Variants in ITGA9 observed in about 807,000 individuals in gnomAD.
ITGA9 encodes the protein integrin subunit alpha 9.
A neutral mutation model predicts 127.8 loss-of-function variants in ITGA9; 56 were observed. That is an observed-to-expected ratio of 0.44 (90% CI 0.35 to 0.55). ITGA9 has a LOEUF of 0.55. ITGA9 is among the 20% of genes least tolerant of loss of function. The pLI is 0.00. For missense variants in ITGA9, 1,196 were observed against 1,347.1 expected (o/e 0.89, Z 1.76); for synonymous variants, 508 against 514.5 (o/e 0.99, Z 0.17).
At chr3:37,557,086 A>G (rs559223021) in intron 15 of ITGA9, among the ~76,000 whole-genome samples, 79 of 152,296 alleles carry the variant, frequency 5.2e-4, no homozygotes, top group Admixed American at 3.6e-3. Context: ...GGACACAGCT[A>G]TGTCAGAAAT....
At chr3:37,599,952 G>A (rs1261834858) in intron 15 of ITGA9, among the ~76,000 whole-genome samples, 2 of 152,304 alleles carry the variant, frequency 1.3e-5, no homozygotes, top group East Asian at 3.9e-4. Flanking sequence ...GAACTCAGGA[G>A]TTGAGATTCG....
chr3:37,558,858 C>T (rs541186207), intron 15 of ITGA9, among the ~76,000 whole-genome samples: 34 of 152,326 alleles, frequency 2.2e-4, no homozygotes, highest in Admixed American at 1.9e-3. Flanking sequence ...GCTGACTTTC[C>T]ACCACCCTGA....
chr3:37,664,420 C>CTTTTTT (rs35312679), intron 17 of ITGA9, among the ~76,000 whole-genome samples: 1 of 114,904 alleles, frequency 8.7e-6, no homozygotes, highest in Non-Finnish European at 1.7e-5. Context: ...TCAGCACATT[C>CTTTTTT]TTTTTTTTTT....
chr3:37,607,086 G>C (rs529836135), intron 15 of ITGA9, among the ~76,000 whole-genome samples: 18 of 151,186 alleles, frequency 1.2e-4, no homozygotes, highest in Non-Finnish European at 2.7e-4. Context: ...GGTCTCAAGG[G>C]ATCCTCCTGC....
chr3:37,665,338 A>G (rs1700576242), intron 17 of ITGA9, among the ~76,000 whole-genome samples: 3 of 152,274 alleles, frequency 2.0e-5, no homozygotes, highest in Admixed American at 2.0e-4. Flanking sequence ...TCTCAATGGT[A>G]TATTCTTGAA....
At chr3:37,647,824 A>G (rs928254023) in intron 16 of ITGA9, among the ~76,000 whole-genome samples, 1 of 152,024 alleles carries the variant, frequency 6.6e-6, no homozygotes, top group African/African-American at 2.4e-5. Flanking sequence ...TAAAGGCTGA[A>G]TAATATTCCA....
At chr3:37,620,871 A>G (rs760341382) in intron 15 of ITGA9, among the ~76,000 whole-genome samples, 11 of 151,962 alleles carry the variant, frequency 7.2e-5, no homozygotes, top group Non-Finnish European at 1.0e-4. Context: ...TCTCTGCACC[A>G]CAGTTTTTTG....
intron 15 of ITGA9, among the ~76,000 whole-genome samples, chr3:37,613,284 G>A (rs528410072): frequency 9.8e-5 from 15 of 152,302 alleles, no homozygotes; most frequent in South Asian, 2.1e-4. Flanking sequence ...CCCTACAAAG[G>A]ACATGAAGTC....
chr3:37,506,034 G>A lies in ITGA9; in HGVS notation c.777G>A (p.Pro259=), dbSNP rs145062473. Residue 259 remains proline, a synonymous_variant, in exon 7 of 28, where the codon CCG becomes CCA. Coordinates refer to ENST00000264741, the MANE Select transcript of ITGA9 (RefSeq NM_002207.3). ...YAVTAGHFSH[P]STIDVVGGAP... ...TGACCGCTGGCCACTTCTCTCACCC[G>A]TCCACCATTGATGTGGTAGGAGGTG... 1.2e-4 allele frequency: 193 copies of A among 1,609,878 alleles called. No individual in the cohort carries two copies. Among genetic ancestry groups the A allele is most frequent in the Middle Eastern group, 6.6e-4 (4 of 6,060 alleles).
chr3:37,526,377 G>A (rs1350017591), intron 13 of ITGA9, among the ~76,000 whole-genome samples: 1 of 152,142 alleles, frequency 6.6e-6, no homozygotes, highest in Non-Finnish European at 1.5e-5. Context: ...TAACTCTTAA[G>A]CTATTTGCTT....
rs138166206 is a variant in ITGA9 at position 37,772,277 on chromosome 3, G to C, written c.2542-5115G>C. 2.3e-3 allele frequency among the ~76,000 whole-genome samples: 343 copies of C among 152,170 alleles called. 3 individuals carry two copies. The highest frequency in any genetic ancestry group is 7.7e-3 in the African/African-American group (321 of 41,524). ...AAAAAGCTTAGCCAGGCATGGTGGC[G>C]TGTGCCTGTAATTCCAGCTACTGGG... On this transcript the variant is annotated intron_variant, in intron 23 of 27. Transcript: ENST00000264741.
At position 37,750,536 on chromosome 3, in the gene ITGA9, T is replaced by C. The variant is rs550154251; in HGVS notation, c.2508T>C (p.Gly836=). 1 of 1,613,524 alleles carries C rather than the reference T, an allele frequency of 6.2e-7. No individual in the cohort carries two copies. The highest frequency in any genetic ancestry group is 8.5e-7 in the Non-Finnish European group (1 of 1,179,406). The change falls in exon 23 of 28, where the codon GGT becomes GGC. Residue 836 remains glycine (G), a synonymous_variant. Coordinates refer to ENST00000264741, the MANE Select transcript of ITGA9 (RefSeq NM_002207.3). ...CTTTCCCTAATCGACTCTCATCTGG[T>C]GGTGCAGAGATGTTTCATGTCCAGG... ...SISFPNRLSS[G]GAEMFHVQEM...
intron 15 of ITGA9, among the ~76,000 whole-genome samples, chr3:37,565,586 G>A (rs560405001): frequency 9.0e-4 from 137 of 152,306 alleles, no homozygotes; most frequent in Middle Eastern, 6.8e-3. Flanking sequence ...TTTCAGGTGC[G>A]GAAGATGAAA....
At chr3:37,472,269 C>T (rs1266817495) in intron 2 of ITGA9, among the ~76,000 whole-genome samples, 1 of 152,212 alleles carries the variant, frequency 6.6e-6, no homozygotes, top group Non-Finnish European at 1.5e-5. Flanking sequence ...TGAGATAATA[C>T]AGGTGAGTAC....
At chr3:37,782,509 T>C (rs778605090) in intron 25 of ITGA9, among the ~76,000 whole-genome samples, 4 of 152,188 alleles carry the variant, frequency 2.6e-5, no homozygotes, top group Admixed American at 6.5e-5. Context: ...CCTTCAAGGC[T>C]CATTCTCCAT....
chr3:37,494,482 T>C lies in ITGA9; in HGVS notation c.545-19T>C. On this transcript the variant is annotated intron_variant, in intron 4 of 27. Coordinates refer to ENST00000264741, the MANE Select transcript of ITGA9 (RefSeq NM_002207.3). ...CTGACATGGCTGTGGTTTGCTTCTC[T>C]CTCCTTCCTTCCCCCTAGAGTATAA... 1 of 1,586,562 alleles carries C rather than the reference T, an allele frequency of 6.3e-7. No homozygotes were observed. The highest frequency in any genetic ancestry group is 8.7e-7 in the Non-Finnish European group (1 of 1,155,822).
At chr3:37,741,380 G>GT (rs1696431549) in intron 20 of ITGA9, among the ~76,000 whole-genome samples, 1 of 151,222 alleles carries the variant, frequency 6.6e-6, no homozygotes, top group Admixed American at 6.6e-5. Flanking sequence ...GCCTCACAGA[G>GT]TCCCCGCGAG....
At chr3:37,554,761 C>T in intron 15 of ITGA9, among the ~76,000 whole-genome samples, 1 of 152,154 alleles carries the variant, frequency 6.6e-6, no homozygotes, top group Admixed American at 6.5e-5. Context: ...TCACTCCAAG[C>T]TTTTCAGCCT....
At chr3:37,613,313 A>T (rs1190086747) in intron 15 of ITGA9, among the ~76,000 whole-genome samples, 1 of 152,196 alleles carries the variant, frequency 6.6e-6, no homozygotes, top group East Asian at 1.9e-4. Flanking sequence ...TTATGGCTGC[A>T]TAGTATTCCA....
Sources: allele counts gnomAD v4.1 joint callset (sites outside exome capture counted in the v4.1 genomes callset), GRCh38; gene constraint gnomAD v4.1.1; transcripts MANE v1.5; gene names NCBI Gene and HGNC (gene_info 2026-07-23, HGNC 2026-07-21).